TRAK1: variants seen among roughly 807,000 people sequenced by gnomAD.
TRAK1 encodes the protein trafficking kinesin protein 1, also known as trafficking kinesin-binding protein 1.
TRAK1 carries 33 observed loss-of-function variants against 92.1 expected under a neutral mutation model. The ratio of observed to expected loss-of-function variants is 0.36; its 90% CI spans 0.27 to 0.48. The LOEUF (loss-of-function observed/expected upper bound fraction) is 0.48. TRAK1 is among the 20% of genes least tolerant of loss of function. The pLI, the probability that TRAK1 is intolerant of heterozygous loss-of-function variation, is 0.99. For synonymous variants in TRAK1, 521 were observed against 517.3 expected (o/e 1.01, Z -0.10); for missense variants, 1,123 against 1,257.9 (o/e 0.89, Z 1.62).
At chr3:42,178,605 A>G (rs1384285136) in intron 3 of TRAK1, among the ~76,000 whole-genome samples, 3 of 152,096 alleles carry the variant, frequency 2.0e-5, no homozygotes, top group African/African-American at 7.2e-5. Flanking sequence ...AGCTGGATGA[A>G]CAATTTATTT....
chr3:42,038,803 G>GGTT (rs1702424232), intron 1 of TRAK1, among the ~76,000 whole-genome samples: 8 of 96,766 alleles, frequency 8.3e-5, no homozygotes, highest in African/African-American at 1.8e-4. Flanking sequence ...AAAAAAAAAA[G>GGTT]TTTTTTTTTT....
chr3:42,203,845 A>G, intron 13 of TRAK1: 2 of 855,374 alleles, frequency 2.3e-6, no homozygotes, highest in Non-Finnish European at 2.8e-6. Flanking sequence ...TAAGCAATAC[A>G]TCTGTGGTAT....
At chr3:42,203,198 G>C (rs945432881) in intron 13 of TRAK1, 18 of 1,060,294 alleles carry the variant, frequency 1.7e-5, no homozygotes, top group Non-Finnish European at 2.0e-5. Context: ...CTATTAAATG[G>C]GGATTTTTTT....
intron 7 of TRAK1, among the ~76,000 whole-genome samples, chr3:42,192,255 T>C (rs11922051): frequency 2.0e-5 from 3 of 152,160 alleles, no homozygotes; most frequent in African/African-American, 7.2e-5. Flanking sequence ...GAAAACTGTG[T>C]TGAAAATGTG....
intron 3 of TRAK1, among the ~76,000 whole-genome samples, chr3:42,179,028 T>G (rs1183635544): frequency 6.6e-6 from 1 of 152,170 alleles, no homozygotes; most frequent in Non-Finnish European, 1.5e-5. Flanking sequence ...CACTGTTTAT[T>G]TGAATCTCTC....
intron 11 of TRAK1, among the ~76,000 whole-genome samples, chr3:42,200,354 T>C (rs1007119565): frequency 6.6e-6 from 1 of 152,258 alleles, no homozygotes. Flanking sequence ...AAAGACTAAC[T>C]TGAAGTCTTC....
In TRAK1 at chr3:42,149,354, T is replaced by G. The variant is rs1483927384; in HGVS notation, c.286+23740T>G. 2.1e-6 allele frequency: 3 copies of G among 1,435,900 alleles called. No individual in the cohort carries two copies. In the Admixed American group the frequency reaches 8.5e-5, roughly 41 times the overall value. 88.9% of individuals were successfully genotyped at this position (1,435,900 alleles called of 1,614,324 possible). On this transcript the variant is annotated intron_variant, in intron 2 of 15. Transcript: ENST00000327628. ...CCCTCCTTCCCCCATAGAATTTTTC[T>G]TTTCATTGCCCACTTTACTGTTTTG...
chr3:42,208,260 G>A (rs149720043), intron 13 of TRAK1, among the ~76,000 whole-genome samples: 454 of 152,248 alleles, frequency 3.0e-3, no homozygotes, highest in Non-Finnish European at 5.4e-3. Context: ...ACTGGGATAA[G>A]CCTTGATGTG....
At chr3:42,078,769 A>AAAGAAAG (rs745414247) in intron 1 of TRAK1, among the ~76,000 whole-genome samples, 6 of 144,484 alleles carry the variant, frequency 4.2e-5, no homozygotes, top group Non-Finnish European at 4.6e-5. Flanking sequence ...AAAAAAAAAA[A>AAAGAAAG]AAAGAAAGAA....
chr3:42,181,282 G>A (rs1441771817), intron 3 of TRAK1, among the ~76,000 whole-genome samples: 3 of 150,386 alleles, frequency 2.0e-5, no homozygotes, highest in Admixed American at 6.7e-5. Flanking sequence ...AGTGGCTCAC[G>A]CCTGTAATCC....
chr3:42,166,520 T>TC (rs1193015603), intron 2 of TRAK1, among the ~76,000 whole-genome samples: 1 of 152,180 alleles, frequency 6.6e-6, no homozygotes, highest in African/African-American at 2.4e-5. Context: ...CCACTGGCCT[T>TC]TCTGTCTGGT....
At chr3:42,129,683 G>T (rs1696938923) in intron 2 of TRAK1, among the ~76,000 whole-genome samples, 1 of 152,156 alleles carries the variant, frequency 6.6e-6, no homozygotes, top group Non-Finnish European at 1.5e-5. Context: ...TCAACGTACG[G>T]TACTTGCAGT....
chr3:42,140,520 G>A (rs766350365), intron 2 of TRAK1, among the ~76,000 whole-genome samples: 24 of 152,140 alleles, frequency 1.6e-4, no homozygotes, highest in Admixed American at 3.9e-4. Context: ...CCAGCTACTC[G>A]GGAGGGTGAG....
intron 1 of TRAK1, among the ~76,000 whole-genome samples, chr3:42,019,884 C>A (rs1701666330): frequency 6.6e-6 from 1 of 152,126 alleles, no homozygotes; most frequent in South Asian, 2.1e-4. Context: ...CAGAAACTAC[C>A]CTTGAATTTA....
At chr3:42,180,690 A>G (rs540330062) in intron 3 of TRAK1, among the ~76,000 whole-genome samples, 2 of 151,988 alleles carry the variant, frequency 1.3e-5, no homozygotes, top group East Asian at 1.9e-4. Flanking sequence ...AAAAAAAAAA[A>G]AAAAAGAAAA....
chr3:42,028,752 T>C (rs1702007723), intron 1 of TRAK1, among the ~76,000 whole-genome samples: 1 of 152,190 alleles, frequency 6.6e-6, no homozygotes, highest in Non-Finnish European at 1.5e-5. Flanking sequence ...ACTGGCCTGC[T>C]GGCTGTTGTA....
intron 1 of TRAK1, among the ~76,000 whole-genome samples, chr3:42,123,097 T>C (rs866423506): frequency 6.6e-6 from 1 of 152,128 alleles, no homozygotes; most frequent in Middle Eastern, 3.4e-3. Context: ...TAGTACGGAA[T>C]GGTAGGAAGC....
Position 42,182,516 on chromosome 3 carries a change from C to G in TRAK1, c.364-2169C>G, listed in dbSNP as rs1011813388. Among the ~76,000 whole-genome samples, 87 of 152,300 alleles carry G rather than the reference C, an allele frequency of 5.7e-4. 1 individual carries two copies. Among genetic ancestry groups the G allele is most frequent in the South Asian group, 1.5e-3 (7 of 4,822 alleles). Reference sequence around the variant, plus strand: ...CCATGTTGGCCAGGCTGGTCTCAAACTCCTGACCTCAAGTGATCCCAAAGT... The same window carrying G: ...CCATGTTGGCCAGGCTGGTCTCAAAGTCCTGACCTCAAGTGATCCCAAAGT... On this transcript the variant is annotated intron_variant, in intron 3 of 15. Transcript: ENST00000327628.
chr3:42,214,997 C>T (rs950261545), intron 14 of TRAK1, among the ~76,000 whole-genome samples: 5 of 152,120 alleles, frequency 3.3e-5, no homozygotes, highest in African/African-American at 1.2e-4. Flanking sequence ...CTTGATTCCC[C>T]GACTCCTCAC....
Sources: allele counts gnomAD v4.1 joint callset (sites outside exome capture counted in the v4.1 genomes callset), GRCh38; gene constraint gnomAD v4.1.1; transcripts MANE v1.5; gene names NCBI Gene and HGNC (gene_info 2026-07-23, HGNC 2026-07-21).